Variants in NSRP1 observed in about 807,000 individuals in gnomAD.
The protein encoded by NSRP1 is coiled-coil domain containing 55.
NSRP1 carries 24 observed loss-of-function variants against 54.7 expected under a neutral mutation model. That is an observed-to-expected ratio of 0.44 (90% confidence interval 0.32 to 0.62). The LOEUF (loss-of-function observed/expected upper bound fraction) is 0.62, where lower values mean the gene tolerates loss of function less well. NSRP1 is among the 20% of genes least tolerant of loss of function. The probability of loss-of-function intolerance (pLI) is 0.06; values close to 1 mark genes in which losing one functional copy is unlikely to be tolerated. For synonymous variants in NSRP1, 210 were observed against 213.8 expected (o/e 0.98, Z 0.15); for missense variants, 596 against 651.2 (o/e 0.92, Z 0.92).
chr17:30,156,882 C>T (rs1256912172), intron 2 of NSRP1, among the ~76,000 whole-genome samples: 2 of 152,104 alleles, frequency 1.3e-5, no homozygotes, highest in Admixed American at 1.3e-4. Context: ...TTTTCTTTGT[C>T]AATTCATATG....
At chr17:30,148,400 T>A (rs906535310) in intron 2 of NSRP1, among the ~76,000 whole-genome samples, 1 of 152,180 alleles carries the variant, frequency 6.6e-6, no homozygotes, top group Non-Finnish European at 1.5e-5. Flanking sequence ...CTGTAGGATT[T>A]TAATTTATGG....
chr17:30,157,624 ACTT>A (rs1904354287), intron 2 of NSRP1, among the ~76,000 whole-genome samples: 1 of 152,124 alleles, frequency 6.6e-6, no homozygotes, highest in African/African-American at 2.4e-5. Flanking sequence ...GGGTGACTAT[ACTT>A]CTTATAGTCT....
chr17:30,177,128 G>A (rs572878250), intron 3 of NSRP1, among the ~76,000 whole-genome samples: 1 of 152,212 alleles, frequency 6.6e-6, no homozygotes, highest in African/African-American at 2.4e-5. Flanking sequence ...CAGCACTTTG[G>A]GGGGCGCTGA....
At chr17:30,155,529 C>T (rs2071953658) in intron 2 of NSRP1, among the ~76,000 whole-genome samples, 1 of 152,018 alleles carries the variant, frequency 6.6e-6, no homozygotes, top group Admixed American at 6.6e-5. Flanking sequence ...TCTTTCATAT[C>T]ACTATACCTT....
At chr17:30,144,231 G>T (rs184670878) in intron 2 of NSRP1, 28 of 150,464 alleles carry the variant, frequency 1.9e-4, no homozygotes, top group Middle Eastern at 6.9e-3. Flanking sequence ...AAATTGTCAC[G>T]CAAGGCATGT....
intron 2 of NSRP1, among the ~76,000 whole-genome samples, chr17:30,132,235 G>A (rs1430595327): frequency 3.4e-5 from 5 of 146,048 alleles, no homozygotes; most frequent in African/African-American, 1.3e-4. Context: ...GCGACAGAGC[G>A]AGACTGTCTC....
chr17:30,163,433 A>G (rs1209155233), intron 2 of NSRP1, among the ~76,000 whole-genome samples: 3 of 152,000 alleles, frequency 2.0e-5, no homozygotes, highest in Non-Finnish European at 2.9e-5. Context: ...TTGTATAGTG[A>G]TGCAACAAAG....
At position 30,129,340 on chromosome 17, in the gene NSRP1, CATGG is replaced by C. The variant is rs1422193232; in HGVS notation, c.114+11168_114+11171del. ...ATAAATGAAAATGATTACTTTTTAG[CATGG>C]TAGTGTGAGTTTTTTTTCAAAATCA... On this transcript the variant is annotated intron_variant, in intron 2 of 6. Transcript: ENST00000247026. 1.1e-4 allele frequency among the ~76,000 whole-genome samples: 16 copies of C among 150,338 alleles called. No homozygotes were observed. The East Asian group carries it at 3.1e-3, about 29-fold the overall frequency.
At chr17:30,156,021 G>A (rs1437514078) in intron 2 of NSRP1, among the ~76,000 whole-genome samples, 3 of 151,436 alleles carry the variant, frequency 2.0e-5, no homozygotes, top group African/African-American at 4.9e-5. Context: ...TATACTTTTA[G>A]TAGAGACAGG....
Position 30,118,164 on chromosome 17 carries a change from T to A in NSRP1, c.105T>A (p.Asp35Glu), listed in dbSNP as rs1422996868. The A allele has an allele frequency of 6.2e-7, 1 of 1,613,476 alleles. No individual in the cohort carries two copies. Among genetic ancestry groups the A allele is most frequent in the Admixed American group, 1.7e-5 (1 of 59,998 alleles). Residue 35 changes from aspartate to glutamate, a missense_variant, in exon 2 of 7, where the codon GAT becomes GAA. Asp to Glu is a conservative substitution (Grantham distance 45). Transcript: ENST00000247026. The stretch of plus-strand genomic sequence containing the variant: ...CAGTGTTTGGGAATGATTCTGATGA[T>A]GATGATGAGGTAAGGAAACCTATGT... ...KPSVFGNDSD[D>E]DDETSVSESL...
intron 2 of NSRP1, among the ~76,000 whole-genome samples, chr17:30,147,117 TTTTTC>T (rs1040970563): frequency 2.1e-5 from 3 of 145,390 alleles, no homozygotes; most frequent in South Asian, 2.2e-4. Flanking sequence ...AGACTTTTTC[TTTTTC>T]TTTTCTTTTC....
chr17:30,181,994 A>G (rs1490534268), intron 6 of NSRP1, among the ~76,000 whole-genome samples: 2 of 146,392 alleles, frequency 1.4e-5, no homozygotes, highest in African/African-American at 2.5e-5. Context: ...TCCCCCCTCT[A>G]TCTCAGCCTC....
chr17:30,144,702 T>C lies in NSRP1; in HGVS notation c.114+26529T>C, dbSNP rs144964084. On this transcript the variant is annotated intron_variant, in intron 2 of 6. Transcript: ENST00000247026. ...CTTTCTGGAAGTACGACATCTCTTT[T>C]ACAAAGGAAAGAACTGTTATGCCTA... 9 of 152,364 alleles carry C rather than the reference T, an allele frequency of 5.9e-5. No homozygotes were observed. The East Asian group carries it at 1.5e-3, about 26-fold the overall frequency. The allele number at this position is 152,364 out of a possible 1,614,324, so 9.4% of individuals were successfully genotyped here. A position where few individuals can be genotyped will look rare whatever the true frequency, so the allele number is the denominator to read the frequency against.
intron 3 of NSRP1, among the ~76,000 whole-genome samples, chr17:30,175,345 T>C (rs12947084): frequency 0.026 from 3,916 of 152,308 alleles, 85 homozygotes; most frequent in Non-Finnish European, 0.037. Context: ...AGGTTTTTGA[T>C]TACCTTTTTG....
At chr17:30,123,659 CTA>C (rs2071624326) in intron 2 of NSRP1, among the ~76,000 whole-genome samples, 1 of 152,126 alleles carries the variant, frequency 6.6e-6, no homozygotes. Flanking sequence ...AAGATTTCCA[CTA>C]TGTTTTCTTC....
At position 30,150,431 on chromosome 17, in the gene NSRP1, G is replaced by A. The variant is rs371889872; in HGVS notation, c.115-22111G>A. 3.7e-4 allele frequency: 57 copies of A among 152,214 alleles called. No homozygotes were observed. The East Asian group carries it at 7.4e-3, about 20-fold the overall frequency. The allele number at this position is 152,214 out of a possible 1,614,324, so 9.4% of individuals were successfully genotyped here. ...GGAGTCTCGCTCTGTCACCCAGGCT[G>A]GAGTGCAGTGGCGCAATCTCGGCTC... On this transcript the variant is annotated intron_variant, in intron 2 of 6. Transcript: ENST00000247026.
At chr17:30,180,086 C>T (rs1448105888) in intron 5 of NSRP1, among the ~76,000 whole-genome samples, 2 of 152,126 alleles carry the variant, frequency 1.3e-5, no homozygotes, top group African/African-American at 2.4e-5. Context: ...ATCTTCCTGC[C>T]TCAGCCTCCC....
chr17:30,177,902 T>G, intron 3 of NSRP1, 169 bp from the exon 4 acceptor site: 3 of 776,780 alleles, frequency 3.9e-6, no homozygotes, highest in Non-Finnish European at 6.6e-6. Context: ...GAGCCAGCAT[T>G]CATACCCAGG....
At chr17:30,172,451 C>T (rs1181212496) in intron 2 of NSRP1, 91 bp from the exon 3 acceptor site, 1 of 909,420 alleles carries the variant, frequency 1.1e-6, no homozygotes, top group Non-Finnish European at 1.6e-6. Context: ...CAAAACACTT[C>T]TGGTCCCATG....
Sources: gnomAD v4.1 joint callset for allele counts (sites outside exome capture counted in the v4.1 genomes callset) on GRCh38, gnomAD v4.1.1 for gene constraint, MANE v1.5 for transcripts, NCBI Gene and HGNC (gene_info 2026-07-23, HGNC 2026-07-21) for gene names.